TMEM178B: variants seen among roughly 807,000 people sequenced by gnomAD.
TMEM178B encodes transmembrane protein 178B.
A neutral mutation model predicts 31.0 loss-of-function variants in TMEM178B; 5 were observed. The observed-to-expected ratio is 0.16, with a 90% CI of 0.08 to 0.34. The LOEUF (loss-of-function observed/expected upper bound fraction) is 0.34. TMEM178B is among the 10% of genes least tolerant of loss of function. The pLI is 1.00. For synonymous variants in TMEM178B, 164 were observed against 164.0 expected, an observed-to-expected ratio of 1.00 and a Z score of 0.00; for missense variants, 275 against 400.3, an observed-to-expected ratio of 0.69 and a Z score of 2.67.
chr7:141,438,553 G>A (rs1801593244), intron 3 of TMEM178B, among the ~76,000 whole-genome samples: 2 of 151,654 alleles, frequency 1.3e-5, no homozygotes, highest in South Asian at 4.2e-4. Context: ...CTCAGTAGAG[G>A]GGGATTGGGG....
chr7:141,126,891 G>C (rs1795506528), intron 1 of TMEM178B, among the ~76,000 whole-genome samples: 1 of 148,970 alleles, frequency 6.7e-6, no homozygotes, highest in Non-Finnish European at 1.5e-5. Context: ...GTGTGTGTGT[G>C]TATGTGTGTT....
At chr7:141,148,620 T>A (rs545628085) in intron 1 of TMEM178B, among the ~76,000 whole-genome samples, 1 of 152,174 alleles carries the variant, frequency 6.6e-6, no homozygotes, top group African/African-American at 2.4e-5. Flanking sequence ...GACTTGAAAA[T>A]CAAGAAGCAG....
At chr7:141,260,748 TAATA>T (rs1276197020) in intron 2 of TMEM178B, among the ~76,000 whole-genome samples, 1 of 152,176 alleles carries the variant, frequency 6.6e-6, no homozygotes, top group Admixed American at 6.5e-5. Flanking sequence ...ATTTTCAAAT[TAATA>T]AATCTAGATA....
chr7:141,203,447 G>A (rs1407567250), intron 1 of TMEM178B, among the ~76,000 whole-genome samples: 2 of 152,190 alleles, frequency 1.3e-5, no homozygotes, highest in African/African-American at 4.8e-5. Flanking sequence ...CATTGTCACC[G>A]TGGAAAGGTG....
chr7:141,304,408 C>T (rs1033308192), intron 2 of TMEM178B, among the ~76,000 whole-genome samples: 3 of 152,160 alleles, frequency 2.0e-5, no homozygotes, highest in Admixed American at 1.3e-4. Context: ...CCTCTGTGCA[C>T]TGCCTGCCAC....
chr7:141,126,079 G>C (rs137902797), intron 1 of TMEM178B, among the ~76,000 whole-genome samples: 13 of 152,336 alleles, frequency 8.5e-5, no homozygotes, highest in African/African-American at 3.1e-4. Context: ...GCGATGACCA[G>C]ATTGTGTGAA....
intron 1 of TMEM178B, among the ~76,000 whole-genome samples, chr7:141,210,496 G>A (rs1797036963): frequency 6.6e-6 from 1 of 152,170 alleles, no homozygotes; most frequent in African/African-American, 2.4e-5. Context: ...AAATAGGGAT[G>A]AGGATGGCAA....
At chr7:141,127,323 T>C (rs539166013) in intron 1 of TMEM178B, among the ~76,000 whole-genome samples, 2 of 152,344 alleles carry the variant, frequency 1.3e-5, no homozygotes, top group South Asian at 2.1e-4. Flanking sequence ...TAAAAAGTTA[T>C]GTTCATGTCC....
chr7:141,363,834 G>A (rs753372379), intron 2 of TMEM178B, among the ~76,000 whole-genome samples: 7 of 151,912 alleles, frequency 4.6e-5, no homozygotes, highest in Non-Finnish European at 8.8e-5. Context: ...AGGCTGTAGT[G>A]AGCCGTGATT....
intron 2 of TMEM178B, among the ~76,000 whole-genome samples, chr7:141,269,619 G>T (rs1405414879): frequency 6.6e-6 from 1 of 152,062 alleles, no homozygotes; most frequent in Non-Finnish European, 1.5e-5. Context: ...TTTTTTCCAT[G>T]AATTTTTGGA....
intron 2 of TMEM178B, chr7:141,429,763 AT>A (rs1273247750): frequency 6.6e-6 from 1 of 152,230 alleles, no homozygotes; most frequent in East Asian, 1.9e-4. Flanking sequence ...TAACCTTTGC[AT>A]TTTGTATATG....
intron 1 of TMEM178B, among the ~76,000 whole-genome samples, chr7:141,145,081 G>GT (rs1795830329): frequency 6.6e-6 from 1 of 152,228 alleles, no homozygotes. Flanking sequence ...TACTGAGTCA[G>GT]TCGGCAAGAC....
chr7:141,499,163 G>GT, the TMEM178B span, among the ~76,000 whole-genome samples: 1 of 152,132 alleles, frequency 6.6e-6, no homozygotes, highest in East Asian at 1.9e-4. Flanking sequence ...TTTAGACAAT[G>GT]TTTTTAAAAT....
At chr7:141,466,487 A>G (rs1329824772) in intron 3 of TMEM178B, among the ~76,000 whole-genome samples, 1 of 152,224 alleles carries the variant, frequency 6.6e-6, no homozygotes, top group Non-Finnish European at 1.5e-5. Flanking sequence ...TTCATCAGCT[A>G]CTGTCAGCTT....
intron 2 of TMEM178B, among the ~76,000 whole-genome samples, chr7:141,393,559 C>T (rs568051785): frequency 1.3e-4 from 20 of 152,310 alleles, no homozygotes; most frequent in Non-Finnish European, 2.2e-4. Flanking sequence ...GAGATCAGAG[C>T]TCAGTGCTCT....
intron 2 of TMEM178B, among the ~76,000 whole-genome samples, chr7:141,408,381 C>T (rs79575650): frequency 2.6e-5 from 4 of 152,304 alleles, no homozygotes; most frequent in East Asian, 3.9e-4. Flanking sequence ...TAGAGTAGTA[C>T]GTCTCAATCC....
At chr7:141,205,863 G>A (rs1334465471) in intron 1 of TMEM178B, among the ~76,000 whole-genome samples, 1 of 152,224 alleles carries the variant, frequency 6.6e-6, no homozygotes, top group African/African-American at 2.4e-5. Flanking sequence ...GGTGTGACCA[G>A]ACTTCAGAAT....
At chr7:141,493,192 C>T in the TMEM178B span, among the ~76,000 whole-genome samples, 8 of 152,158 alleles carry the variant, frequency 5.3e-5, no homozygotes, top group Admixed American at 1.3e-4. Context: ...AACTCCCCTC[C>T]GCAGTCTCTC....
At chr7:141,163,188 G>T (rs138564037) in intron 1 of TMEM178B, among the ~76,000 whole-genome samples, 8 of 152,248 alleles carry the variant, frequency 5.3e-5, no homozygotes, top group African/African-American at 1.9e-4. Context: ...TAGCTAGGGC[G>T]GTTCTTCATG....
Sources: gnomAD v4.1 joint callset for allele counts (sites outside exome capture counted in the v4.1 genomes callset) on GRCh38, gnomAD v4.1.1 for gene constraint, MANE v1.5 for transcripts, NCBI Gene and HGNC (gene_info 2026-07-23, HGNC 2026-07-21) for gene names.